ARHGEF28: variants seen among roughly 807,000 people sequenced by gnomAD.
ARHGEF28 encodes the protein 190 kDa guanine nucleotide exchange factor.
Under a neutral mutation model 206.6 loss-of-function variants are expected in ARHGEF28, and 152 were observed. The observed-to-expected ratio is 0.74, with a 90% CI of 0.64 to 0.84. ARHGEF28 has a LOEUF of 0.84. ARHGEF28 is among the 40% of genes least tolerant of loss of function. The pLI is 0.00. For synonymous variants in ARHGEF28, 763 were observed against 776.4 expected, an observed-to-expected ratio of 0.98 and a Z score of 0.29; for missense variants, 2,028 against 2,073.2, an observed-to-expected ratio of 0.98 and a Z score of 0.42.
At chr5:73,635,132 T>C (rs1580424340) in intron 1 of ARHGEF28, among the ~76,000 whole-genome samples, 1 of 152,040 alleles carries the variant, frequency 6.6e-6, no homozygotes, top group Admixed American at 6.6e-5. Flanking sequence ...TCACCTGAGG[T>C]GGAGAGTGCG....
intron 1 of ARHGEF28, among the ~76,000 whole-genome samples, chr5:73,666,786 T>A (rs993919641): frequency 6.6e-6 from 1 of 152,164 alleles, no homozygotes; most frequent in Admixed American, 6.5e-5. Flanking sequence ...CAAAAGTGTA[T>A]GCTAAGTGAG....
At chr5:73,927,386 G>C (rs1298576992) in intron 35 of ARHGEF28, among the ~76,000 whole-genome samples, 1 of 152,020 alleles carries the variant, frequency 6.6e-6, no homozygotes, top group Non-Finnish European at 1.5e-5. Context: ...CCTTTCTTTA[G>C]GATCCAGTGC....
At chr5:73,631,396 T>G (rs913373856) in intron 1 of ARHGEF28, among the ~76,000 whole-genome samples, 1 of 152,174 alleles carries the variant, frequency 6.6e-6, no homozygotes, top group African/African-American at 2.4e-5. Context: ...TGATCAGGTG[T>G]TAGAGTTCTG....
chr5:73,842,021 G>T (rs1758019641), intron 11 of ARHGEF28, among the ~76,000 whole-genome samples: 1 of 151,936 alleles, frequency 6.6e-6, no homozygotes, highest in Admixed American at 6.6e-5. Context: ...TAGTTTCATT[G>T]CATCTGATAT....
chr5:73,804,719 A>T (rs145792865), intron 9 of ARHGEF28, among the ~76,000 whole-genome samples: 1 of 152,024 alleles, frequency 6.6e-6, no homozygotes, highest in East Asian at 1.9e-4. Flanking sequence ...TTTCATCATT[A>T]CACTGAGAAT....
intron 35 of ARHGEF28, chr5:73,923,245 T>TAGCATAAACCAAAACA: frequency 7.6e-7 from 1 of 1,320,072 alleles, no homozygotes; most frequent in Non-Finnish European, 1.0e-6. Context: ...TTAAAATGTT[T>TAGCATAAACCAAAACA]TGGTTTATGC....
rs148368308 is a variant in ARHGEF28 at position 73,629,116 on chromosome 5, G to A, written c.-12+2794G>A. ...TTTGATTCTCTGATCTTTGGATTCC[G>A]TGTTGAAGGTGACACTTTTCTGGCT... On this transcript the variant is annotated intron_variant, in intron 1 of 35. Transcript: ENST00000513042. Among the ~76,000 whole-genome samples the A allele has an allele frequency of 9.9e-5, 15 of 152,184 alleles. No individual in the cohort carries two copies. In the East Asian group the frequency reaches 2.5e-3, roughly 25 times the overall value.
intron 2 of ARHGEF28, 89 bp from the exon 3 acceptor site, chr5:73,749,748 C>T: frequency 7.1e-7 from 1 of 1,417,466 alleles, no homozygotes; most frequent in South Asian, 1.3e-5. Context: ...TAACAAATGA[C>T]ACTGTTATGG....
chr5:73,846,247 C>T, intron 11 of ARHGEF28, 21 bp from the exon 12 acceptor site: 3 of 1,608,552 alleles, frequency 1.9e-6, no homozygotes, highest in Non-Finnish European at 2.5e-6. Flanking sequence ...TCTTTACTTA[C>T]TTGCTGGCTT....
chr5:73,925,794 T>G (rs1763763659), intron 35 of ARHGEF28, among the ~76,000 whole-genome samples: 2 of 152,228 alleles, frequency 1.3e-5, no homozygotes, highest in Admixed American at 6.5e-5. Context: ...CCATAGTTGG[T>G]TCCCTTGTAT....
intron 35 of ARHGEF28, among the ~76,000 whole-genome samples, chr5:73,930,813 C>T (rs1052109214): frequency 1.5e-4 from 23 of 152,154 alleles, no homozygotes; most frequent in Admixed American, 5.9e-4. Flanking sequence ...AACATCTATC[C>T]GCTTCATTTT....
intron 35 of ARHGEF28, chr5:73,923,129 C>G: frequency 1.3e-6 from 2 of 1,535,472 alleles, no homozygotes; most frequent in African/African-American, 1.4e-5. Context: ...ACATCTCCCC[C>G]GGGACTGTGG....
chr5:73,646,259 T>C (rs1346080310), intron 1 of ARHGEF28, among the ~76,000 whole-genome samples: 2 of 152,226 alleles, frequency 1.3e-5, no homozygotes, highest in Non-Finnish European at 2.9e-5. Flanking sequence ...CCTGATTATA[T>C]AGTGTCTGGA....
intron 2 of ARHGEF28, among the ~76,000 whole-genome samples, chr5:73,731,105 CA>C (rs1000738981): frequency 6.6e-6 from 1 of 151,608 alleles, no homozygotes; most frequent in African/African-American, 2.4e-5. Flanking sequence ...TAACTGTGCT[CA>C]ACCTAATTTA....
chr5:73,904,518 A>G, intron 33 of ARHGEF28, 113 bp downstream of exon 33: 1 of 1,180,074 alleles, frequency 8.5e-7, no homozygotes, highest in Non-Finnish European at 1.2e-6. Flanking sequence ...GAATGATCTT[A>G]AAAGAATGAC....
intron 2 of ARHGEF28, among the ~76,000 whole-genome samples, chr5:73,694,964 T>C (rs1748097427): frequency 6.6e-6 from 1 of 152,186 alleles, no homozygotes; most frequent in African/African-American, 2.4e-5. Flanking sequence ...GATGGTAGTA[T>C]GGGTTAGGAC....
chr5:73,647,836 C>A (rs961635793), intron 1 of ARHGEF28, among the ~76,000 whole-genome samples: 3 of 152,218 alleles, frequency 2.0e-5, no homozygotes, highest in African/African-American at 7.2e-5. Flanking sequence ...CCAATTTGAT[C>A]CTACTACTTG....
chr5:73,686,587 C>T lies in ARHGEF28; in HGVS notation c.33+1703C>T, dbSNP rs144576282. ...AGGCTGGAGTGCAGTGGTGCGGTCT[C>T]GGCTCACTGCAAGCTCCGTCTCCCG... On this transcript the variant is annotated intron_variant, in intron 2 of 35. Transcript: ENST00000513042. Among the ~76,000 whole-genome samples, 980 of 149,654 alleles carry T rather than the reference C, an allele frequency of 6.5e-3. 9 individuals carry two copies. The highest frequency in any genetic ancestry group is 0.023 in the African/African-American group (914 of 40,538).
chr5:73,749,452 C>T (rs958436720), intron 2 of ARHGEF28, among the ~76,000 whole-genome samples: 11 of 152,218 alleles, frequency 7.2e-5, no homozygotes, highest in Admixed American at 3.9e-4. Context: ...GGATTGCTTG[C>T]GCAGAGGAGT....
Sources: allele counts gnomAD v4.1 joint callset (sites outside exome capture counted in the v4.1 genomes callset), GRCh38; gene constraint gnomAD v4.1.1; transcripts MANE v1.5; gene names NCBI Gene and HGNC (gene_info 2026-07-23, HGNC 2026-07-21).